The following CACNB2 variants were observed in gnomAD, a reference collection of about 807,000 sequenced individuals.
The protein encoded by CACNB2 is voltage-dependent L-type calcium channel subunit beta-2.
CACNB2 carries 42 observed loss-of-function variants against 73.3 expected under a neutral mutation model. The ratio of observed to expected loss-of-function variants is 0.57; its 90% CI spans 0.45 to 0.74. The LOEUF is 0.74. Among genes scored for constraint, CACNB2 ranks in the 30% least tolerant of loss-of-function variants. CACNB2 has a pLI of 0.00. For missense variants in CACNB2, 940 were observed against 853.0 expected (o/e 1.10, Z -1.27); for synonymous variants, 348 against 310.3 (o/e 1.12, Z -1.28).
rs114891847 is a variant in CACNB2 at position 18,308,142 on chromosome 10, C to T, written c.214-93782C>T. Among the ~76,000 whole-genome samples the T allele has an allele frequency of 2.8e-4, 42 of 151,692 alleles. No homozygotes were observed. In the East Asian group the frequency reaches 8.1e-3, roughly 29 times the overall value. On this transcript the variant is annotated intron_variant, in intron 2 of 13. Coordinates refer to ENST00000324631, the MANE Select transcript of CACNB2 (RefSeq NM_201596.3). Reference sequence around the variant, plus strand: ...CTGAGCAGCTACGATTACAGGCACCCGCCACCATGCCAGGCTAATTTTTGT... The same window carrying T: ...CTGAGCAGCTACGATTACAGGCACCTGCCACCATGCCAGGCTAATTTTTGT...
chr10:18,152,171 G>A (rs138519367), intron 2 of CACNB2, among the ~76,000 whole-genome samples: 1 of 152,216 alleles, frequency 6.6e-6, no homozygotes, highest in African/African-American at 2.4e-5. Context: ...GCTGGTTGCT[G>A]CTTCTTTGCA....
chr10:18,488,495 A>G lies in CACNB2; in HGVS notation c.334-9860A>G, dbSNP rs1285075912. 4.6e-5 allele frequency among the ~76,000 whole-genome samples: 7 copies of G among 150,646 alleles called. No homozygotes were observed. The East Asian group carries it at 5.9e-4, about 13-fold the overall frequency. ...ATCTCAAAAAAAAAAAAAAAAAAAA[A>G]AAAAGAAAATCAGGATTTGACATCG... is the stretch of plus-strand genomic sequence containing the variant. On this transcript the variant is annotated intron_variant, in intron 3 of 13. Transcript: ENST00000324631.
At chr10:18,236,621 A>G (rs114024826) in intron 2 of CACNB2, among the ~76,000 whole-genome samples, 31 of 152,326 alleles carry the variant, frequency 2.0e-4, no homozygotes, top group African/African-American at 7.5e-4. Flanking sequence ...AGATCAAGCT[A>G]TTGCCAAATA....
At chr10:18,448,816 A>C (rs1340600547) in intron 3 of CACNB2, among the ~76,000 whole-genome samples, 2 of 152,238 alleles carry the variant, frequency 1.3e-5, no homozygotes, top group Non-Finnish European at 2.9e-5. Context: ...AGAAAGGGTG[A>C]ATAAAAATAC....
At chr10:18,462,042 A>C (rs2047608716) in intron 3 of CACNB2, among the ~76,000 whole-genome samples, 1 of 152,134 alleles carries the variant, frequency 6.6e-6, no homozygotes, top group South Asian at 2.1e-4. Flanking sequence ...ATCCCGTTCT[A>C]GAGAATCGGT....
At chr10:18,393,052 T>TAC (rs1269451178) in intron 2 of CACNB2, among the ~76,000 whole-genome samples, 11 of 151,852 alleles carry the variant, frequency 7.2e-5, no homozygotes, top group Non-Finnish European at 1.3e-4. Flanking sequence ...CTACTAAAAA[T>TAC]ACAAAAATTA....
intron 2 of CACNB2, among the ~76,000 whole-genome samples, chr10:18,389,341 G>T (rs1057170621): frequency 2.6e-5 from 4 of 152,138 alleles, no homozygotes; most frequent in Non-Finnish European, 5.9e-5. Context: ...GTCTCCCTAT[G>T]TTGCAAAGGC....
At chr10:18,447,888 C>T (rs1051340858) in intron 3 of CACNB2, among the ~76,000 whole-genome samples, 4 of 151,780 alleles carry the variant, frequency 2.6e-5, no homozygotes, top group African/African-American at 7.2e-5. Context: ...CCTCCAAACC[C>T]GAGAGCTATT....
intron 3 of CACNB2, among the ~76,000 whole-genome samples, chr10:18,449,446 C>T (rs1212568628): frequency 6.6e-6 from 1 of 152,128 alleles, no homozygotes; most frequent in African/African-American, 2.4e-5. Context: ...TCTACCTCTC[C>T]TGCAACAAGT....
intron 2 of CACNB2, among the ~76,000 whole-genome samples, chr10:18,349,321 G>C (rs190584842): frequency 5.7e-4 from 87 of 152,280 alleles, no homozygotes; most frequent in Non-Finnish European, 1.2e-3. Flanking sequence ...TGTTTAAAGA[G>C]ACCTAAAAAG....
At chr10:18,499,545 T>G (rs1162099446) in intron 4 of CACNB2, among the ~76,000 whole-genome samples, 1 of 141,622 alleles carries the variant, frequency 7.1e-6, no homozygotes, top group African/African-American at 2.7e-5. Flanking sequence ...AACCAGCGAG[T>G]CGGAGGTTGC....
chr10:18,479,904 C>T (rs1306900959), intron 3 of CACNB2, among the ~76,000 whole-genome samples: 1 of 152,118 alleles, frequency 6.6e-6, no homozygotes, highest in Non-Finnish European at 1.5e-5. Context: ...ATGAGGTACA[C>T]AAGACAGCTC....
intron 6 of CACNB2, among the ~76,000 whole-genome samples, chr10:18,510,578 C>T (rs2050711533): frequency 6.6e-6 from 1 of 152,232 alleles, no homozygotes; most frequent in Admixed American, 6.5e-5. Flanking sequence ...GCTGGGATTA[C>T]AGGCATGAGC....
At chr10:18,299,075 A>AT (rs1286296622) in intron 2 of CACNB2, among the ~76,000 whole-genome samples, 53 of 96,854 alleles carry the variant, frequency 5.5e-4, no homozygotes, top group South Asian at 1.7e-3. Flanking sequence ...ACTAAAAAAA[A>AT]AAAAATAAAA....
chr10:18,494,114 G>A (rs2049627787), intron 3 of CACNB2, among the ~76,000 whole-genome samples: 1 of 152,026 alleles, frequency 6.6e-6, no homozygotes, highest in Non-Finnish European at 1.5e-5. Context: ...ATTATTACCT[G>A]TGGTCTCTGG....
chr10:18,200,785 C>T (rs972814780), intron 2 of CACNB2, among the ~76,000 whole-genome samples: 2 of 152,084 alleles, frequency 1.3e-5, no homozygotes, highest in Admixed American at 6.5e-5. Context: ...TCACTTGCCC[C>T]CATTTCTTAA....
chr10:18,463,585 T>G (rs12761654), intron 3 of CACNB2, among the ~76,000 whole-genome samples: 1 of 92,494 alleles, frequency 1.1e-5, no homozygotes, highest in African/African-American at 3.0e-5. Flanking sequence ...CTGCTAGTTG[T>G]TTTTTTTTTG....
At chr10:18,247,695 C>T (rs1388694546) in intron 2 of CACNB2, among the ~76,000 whole-genome samples, 1 of 152,150 alleles carries the variant, frequency 6.6e-6, no homozygotes, top group African/African-American at 2.4e-5. Context: ...TCTCACAGTT[C>T]TGAAGCTGGG....
At chr10:18,321,911 G>T (rs2040410627) in intron 2 of CACNB2, among the ~76,000 whole-genome samples, 1 of 152,172 alleles carries the variant, frequency 6.6e-6, no homozygotes, top group African/African-American at 2.4e-5. Context: ...CCAGCATTTT[G>T]TGAGGCCAAG....
Sources: gnomAD v4.1 joint callset for allele counts (sites outside exome capture counted in the v4.1 genomes callset) on GRCh38, gnomAD v4.1.1 for gene constraint, MANE v1.5 for transcripts, NCBI Gene and HGNC (gene_info 2026-07-23, HGNC 2026-07-21) for gene names.